Variants in SEC16A observed in about 807,000 individuals in gnomAD.
SEC16A encodes the protein SEC16 homolog A, endoplasmic reticulum export factor.
In SEC16A, 110 loss-of-function variants were observed where a neutral mutation model predicts 221.9. The ratio of observed to expected loss-of-function variants is 0.50; its 90% CI spans 0.42 to 0.58. The LOEUF is 0.58. SEC16A is among the 20% of genes least tolerant of loss of function. SEC16A has a pLI of 0.00. For synonymous variants in SEC16A, 1,393 were observed against 1,257.7 expected (o/e 1.11, Z -2.28); for missense variants, 3,165 against 3,097.8 (o/e 1.02, Z -0.52).
At position 136,451,319 on chromosome 9, in the gene SEC16A, TGAGA is replaced by T; in HGVS notation, c.6245_6248del (p.Leu2082HisfsTer59). ...CGGGTCTCTTTGTTTCGGGAGCGGG[TGAGA>T]GAGACAGAGGTGGCTGCGTGGGACC... On this transcript the variant is annotated frameshift_variant, in exon 23 of 32. Coordinates refer to ENST00000684901, the MANE Select transcript of SEC16A (RefSeq NM_014866.2). LOFTEE classifies it high-confidence loss of function. The T allele has an allele frequency of 6.2e-7, 1 of 1,613,544 alleles. No homozygotes were observed. Among genetic ancestry groups the T allele is most frequent in the Non-Finnish European group, 8.5e-7 (1 of 1,179,740 alleles).
upstream of SEC16A, chr9:136,484,386 C>T (rs1006835465): frequency 4.2e-6 from 5 of 1,190,272 alleles, no homozygotes; most frequent in Admixed American, 3.7e-5. Flanking sequence ...TGGGCACTAT[C>T]CTCTGTGCCC....
Position 136,447,863 on chromosome 9 carries a change from G to C in SEC16A, c.6437C>G (p.Pro2146Arg). The C allele has an allele frequency of 6.2e-7, 1 of 1,609,676 alleles. No individual in the cohort carries two copies. The highest frequency in any genetic ancestry group is 8.5e-7 in the Non-Finnish European group (1 of 1,177,634). ...KKNQWVNLNE[P>R]EEEKKAPPPP... ...AGAATGACAATTTACCTCCTCTTCT[G>C]GCTCATTTAAATTCACCCACTGGTT... is the stretch of plus-strand genomic sequence containing the variant. The change falls in exon 25 of 32, where the codon CCA becomes CGA. Residue 2146 changes from proline (P) to arginine (R), a missense_variant. By Grantham distance (103) the Pro-to-Arg change is moderately radical (BLOSUM62 -2). This residue lies in a region of SEC16A where 1,088 missense variants were observed against 1,089.6 expected (regional missense o/e 1.00). Transcript: ENST00000684901. The surrounding 1 kb of genome is among the most constrained non-coding windows in gnomAD (Gnocchi z 5.5).
chr9:136,481,076 G>A (rs1842264812), intron 1 of SEC16A, among the ~76,000 whole-genome samples: 1 of 148,784 alleles, frequency 6.7e-6, no homozygotes, highest in Admixed American at 6.7e-5. Flanking sequence ...CTCACCAGGA[G>A]AAAAACAATG....
rs960268324 is a variant in SEC16A at position 136,440,911 on chromosome 9, C to T, written c.*844G>A. 3.3e-5 allele frequency: 5 copies of T among 152,322 alleles called. No individual in the cohort carries two copies. The highest frequency in any genetic ancestry group is 5.9e-5 in the Non-Finnish European group (4 of 68,040). 9.4% of individuals were successfully genotyped at this position (152,322 alleles called of 1,614,324 possible). A position where few individuals can be genotyped will look rare whatever the true frequency, so the allele number is the denominator to read the frequency against. ...GTGAGTCTAACCGTGCTCCTACACACGAAATGAAGCCCAAATCAAACATCA... is the reference window on the plus strand; with the variant it reads ...GTGAGTCTAACCGTGCTCCTACACATGAAATGAAGCCCAAATCAAACATCA... On this transcript the variant is annotated 3_prime_UTR_variant, in exon 32 of 32. Transcript: ENST00000684901.
At position 136,482,787 on chromosome 9, in the gene SEC16A, C is replaced by A. The variant is rs534001808; in HGVS notation, c.-192+151G>T. On this transcript the variant is annotated intron_variant, in intron 1 of 31. Coordinates refer to ENST00000684901, the MANE Select transcript of SEC16A (RefSeq NM_014866.2). ...CCCGGACGTCTGTCCCCTCGACCGG[C>A]CCCGGCGGGACCCGAGATGCACCGC... Among the ~76,000 whole-genome samples the A allele has an allele frequency of 1.4e-4, 21 of 152,214 alleles. No individual in the cohort carries two copies. The South Asian group carries it at 1.5e-3, about 11-fold the overall frequency.
At chr9:136,481,093 C>T (rs2133130584) in intron 1 of SEC16A, among the ~76,000 whole-genome samples, 1 of 151,380 alleles carries the variant, frequency 6.6e-6, no homozygotes, top group Admixed American at 6.6e-5. Context: ...AATGCAACTG[C>T]CTATCACCTA....
chr9:136,443,068 A>C (rs1425469743), intron 31 of SEC16A, among the ~76,000 whole-genome samples: 1 of 152,250 alleles, frequency 6.6e-6, no homozygotes, highest in Admixed American at 6.5e-5. Context: ...AGGAGAGATC[A>C]CGCTCGGCTC....
At position 136,474,276 on chromosome 9, in the gene SEC16A, G is replaced by A. The variant is rs202139249; in HGVS notation, c.3340C>T (p.Pro1114Ser). The change falls in exon 3 of 32, where the codon CCT becomes TCT. Residue 1114 changes from proline (P) to serine (S), a missense_variant. Pro to Ser is a moderately conservative substitution (Grantham distance 74, BLOSUM62 -1). Around this residue, in one of 3 missense-constraint regions of SEC16A, gnomAD observed 2,030 missense variants for 1,923.1 expected, o/e 1.06. Transcript: ENST00000684901. ...ACGCTAGAGGACTGAGGAGGCCGAGGGGGCAGCTGCTGACCCGCGTCGACC... is the reference window on the plus strand; with the variant it reads ...ACGCTAGAGGACTGAGGAGGCCGAGAGGGCAGCTGCTGACCCGCGTCGACC... ...VLVDAGQQLP[P>S]RPPQSSSVSL... 4 of 1,608,158 alleles carry A rather than the reference G, an allele frequency of 2.5e-6. No homozygotes were observed. The highest frequency in any genetic ancestry group is 2.5e-6 in the Non-Finnish European group (3 of 1,177,522).
intron 21 of SEC16A, among the ~76,000 whole-genome samples, chr9:136,453,731 T>C (rs145033493): frequency 5.2e-4 from 79 of 152,314 alleles, no homozygotes; most frequent in Non-Finnish European, 8.8e-4. Flanking sequence ...CATGTAGACA[T>C]AGGCACAGAC....
Position 136,455,465 on chromosome 9 carries a change from C to T in SEC16A, c.5857+136G>A, listed in dbSNP as rs557382219. On this transcript the variant is annotated intron_variant, in intron 20 of 31. Coordinates refer to ENST00000684901, the MANE Select transcript of SEC16A (RefSeq NM_014866.2). ...AGGAGACCGAGGAGCCCCACAACCA[C>T]CGAGGTGGTGTGAGACACTGCCTCC... 18 of 812,748 alleles carry T rather than the reference C, an allele frequency of 2.2e-5. No homozygotes were observed. The South Asian group carries it at 3.3e-4, about 15-fold the overall frequency. 50.3% of individuals were successfully genotyped at this position (812,748 alleles called of 1,614,324 possible).
chr9:136,450,519 GCC>G (rs975967989), intron 23 of SEC16A, among the ~76,000 whole-genome samples: 2 of 152,026 alleles, frequency 1.3e-5, no homozygotes, highest in Admixed American at 6.6e-5. Flanking sequence ...AACAAGCACT[GCC>G]CCAAAAGAGT....
In SEC16A at chr9:136,475,196, G is replaced by T; in HGVS notation, c.2420C>A (p.Ala807Glu). 6.2e-7 allele frequency: 1 copy of T among 1,613,692 alleles called. No homozygotes were observed. The highest frequency in any genetic ancestry group is 8.5e-7 in the Non-Finnish European group (1 of 1,179,820). ...MGEEEALQSQ[A>E]SSGYASLLSS... is the part of the protein sequence containing the mutation. ...TAATAAACTTGCATAACCAGAACTC[G>T]CCTGGGACTGAAGGGCCTCCTCCTC... Residue 807 changes from alanine to glutamate, a missense_variant, in exon 3 of 32, where the codon GCG (alanine) becomes GAG (glutamate). Coordinates refer to ENST00000684901, the MANE Select transcript of SEC16A (RefSeq NM_014866.2). This position sits in a 1 kb window ranked among gnomAD's most constrained non-coding sequence, Gnocchi z 5.0.
Position 136,475,052 on chromosome 9 carries a change from T to C in SEC16A, c.2564A>G (p.Lys855Arg), listed in dbSNP as rs1369059278. Residue 855 changes from lysine to arginine, a missense_variant, in exon 3 of 32, where the codon AAG becomes AGG. Physicochemically the swap from Lys to Arg is conservative, Grantham distance 26 (BLOSUM62 2). This residue lies in a region of SEC16A where 2,030 missense variants were observed against 1,923.1 expected (regional missense o/e 1.06). Transcript: ENST00000684901. This position sits in a 1 kb window ranked among gnomAD's most constrained non-coding sequence, Gnocchi z 5.0. ...FSVSLSNSHEKNQSWREALVG... is the reference protein window; with the variant it reads ...FSVSLSNSHERNQSWREALVG... ...CAAAGCCTCTCTCCAGGACTGATTC[T>C]TCTCATGAGAGTTCGATAAGGACAC... The C allele has an allele frequency of 1.1e-5, 18 of 1,613,506 alleles. No homozygotes were observed. The highest frequency in any genetic ancestry group is 1.4e-5 in the Non-Finnish European group (17 of 1,179,842).
chr9:136,472,962 G>A lies in SEC16A; in HGVS notation c.3568-851C>T, dbSNP rs574991268. 9.8e-5 allele frequency among the ~76,000 whole-genome samples: 15 copies of A among 152,346 alleles called. No individual in the cohort carries two copies. The East Asian group carries it at 2.7e-3, about 27-fold the overall frequency. On this transcript the variant is annotated intron_variant, in intron 3 of 31. Coordinates refer to ENST00000684901, the MANE Select transcript of SEC16A (RefSeq NM_014866.2). ...TGAGGCCACGGCTTCCCGTCGCTCTGCACCAGCCCCACCCCAGGGCTCCCA... is the reference window on the plus strand; with the variant it reads ...TGAGGCCACGGCTTCCCGTCGCTCTACACCAGCCCCACCCCAGGGCTCCCA...
rs1588914308 is a variant in SEC16A at position 136,455,764 on chromosome 9, T to C, written c.5694A>G (p.Gly1898=). ...KEGAGVWHQD[G]ALPQQCPGTP... ...TGCCAGGACACTGCTGCGGGAGGGC[T>C]CCATCCTGATGCCATACTCCAGCCC... is the stretch of plus-strand genomic sequence containing the variant. Residue 1898 remains glycine, a synonymous_variant, in exon 20 of 32, where the codon GGA becomes GGG. Transcript: ENST00000684901. 4 of 1,600,780 alleles carry C rather than the reference T, an allele frequency of 2.5e-6. No homozygotes were observed. Among genetic ancestry groups the C allele is most frequent in the Non-Finnish European group, 3.4e-6 (4 of 1,174,000 alleles).
At chr9:136,465,941 T>A in intron 8 of SEC16A, 21 bp downstream of exon 8, 1 of 1,606,336 alleles carries the variant, frequency 6.2e-7, no homozygotes. Flanking sequence ...CCGGTATCCC[T>A]CTGTCCTGCT....
intron 4 of SEC16A, among the ~76,000 whole-genome samples, chr9:136,471,670 G>A (rs1284825245): frequency 1.3e-5 from 2 of 152,222 alleles, no homozygotes; most frequent in Non-Finnish European, 2.9e-5. Context: ...CCCGTCAAGA[G>A]GGGCTCACAG....
Position 136,453,479 on chromosome 9 carries a change from G to A in SEC16A, c.6108C>T (p.Asn2036=). Residue 2036 remains asparagine, a synonymous_variant, in exon 22 of 32, where the codon AAC becomes AAT. Transcript: ENST00000684901. ...GIVPQEAPVG[N]SLSELSEENF... ...TTTCTTCGCTTAGCTCGGAAAGTGAGTTTCCAACAGGCGCCTCCTGCGGCA... is the reference window on the plus strand; with the variant it reads ...TTTCTTCGCTTAGCTCGGAAAGTGAATTTCCAACAGGCGCCTCCTGCGGCA... 6.2e-7 allele frequency: 1 copy of A among 1,613,566 alleles called. No individual in the cohort carries two copies.
rs1232828325 is a variant in SEC16A at position 136,474,841 on chromosome 9, C to A, written c.2775G>T (p.Leu925=). The change falls in exon 3 of 32, where the codon CTG becomes CTT. Residue 925 remains leucine (L), a synonymous_variant. Transcript: ENST00000684901. ...GAACTGGCTGGGATGGTGGTTGAAC[C>A]AGCAAATTAGCAGGCTGATTAGAAA... ...EMVSNQPANL[L]VQPPSQPVPE... 3 of 1,613,806 alleles carry A rather than the reference C, an allele frequency of 1.9e-6. No homozygotes were observed. The highest frequency in any genetic ancestry group is 2.5e-6 in the Non-Finnish European group (3 of 1,179,902).
Sources: allele counts gnomAD v4.1 joint callset (sites outside exome capture counted in the v4.1 genomes callset), GRCh38; gene constraint gnomAD v4.1.1; regional missense constraint gnomAD v4.1.1; non-coding constraint Gnocchi (gnomAD v3.1); transcripts MANE v1.5; gene names NCBI Gene and HGNC (gene_info 2026-07-23, HGNC 2026-07-21).